The following HOOK2 variants were observed in gnomAD, a reference collection of about 807,000 sequenced individuals.
The protein encoded by HOOK2 is protein Hook homolog 2.
In HOOK2, 108 loss-of-function variants were observed where a neutral mutation model predicts 111.9. The ratio of observed to expected loss-of-function variants is 0.96; its 90% CI spans 0.83 to 1.13. The LOEUF is 1.13. Ranked by LOEUF, HOOK2 falls within the 50% of genes most tolerant of loss-of-function variation. The pLI, the probability that HOOK2 is intolerant of heterozygous loss-of-function variation, is 0.00. For missense variants in HOOK2, 978 were observed against 951.3 expected, an observed-to-expected ratio of 1.03 and a Z score of -0.37; for synonymous variants, 405 against 394.3, an observed-to-expected ratio of 1.03 and a Z score of -0.32.
chr19:12,791,813 A>T lies in HOOK2; in HGVS notation n.42-17588T>A. On this transcript the variant is annotated intron_variant and non_coding_transcript_variant, in intron 3 of 3. Transcript: ENST00000589765. The surrounding 1 kb of genome is among the most constrained non-coding windows in gnomAD (Gnocchi z 7.0). ...AACAGCCCTTCTACCACGACGACTC[A>T]TACACAGCTACGGGATACGGCCGGG... The T allele has an allele frequency of 1.2e-6, 2 of 1,613,568 alleles. No homozygotes were observed. The highest frequency in any genetic ancestry group is 8.5e-7 in the Non-Finnish European group (1 of 1,179,814).
upstream of HOOK2, among the ~76,000 whole-genome samples, chr19:12,780,662 T>A (rs1968591682): frequency 1.1e-5 from 1 of 94,660 alleles, no homozygotes; most frequent in South Asian, 4.4e-4. Context: ...GCCTTTTTTT[T>A]TTTTTTTTTT....
chr19:12,783,014 T>A (rs976932354), upstream of HOOK2, among the ~76,000 whole-genome samples: 30 of 152,048 alleles, frequency 2.0e-4, no homozygotes, highest in African/African-American at 7.0e-4. Context: ...CCGCTCGTGA[T>A]CCCGGGAGAA....
Position 12,787,852 on chromosome 19 carries a change from C to T in HOOK2, n.42-13627G>A, listed in dbSNP as rs189352693. ...CGGGCTGATCACAAGGTCAGGAGTT[C>T]GAGACCAGCCTGACCAATATGGTGA... is the stretch of plus-strand genomic sequence containing the variant. On this transcript the variant is annotated intron_variant and non_coding_transcript_variant, in intron 3 of 3. Transcript: ENST00000589765. 1.5e-3 allele frequency among the ~76,000 whole-genome samples: 226 copies of T among 152,022 alleles called. 1 individual carries two copies. The highest frequency in any genetic ancestry group is 4.7e-3 in the African/African-American group (196 of 41,450).
intron 17 of HOOK2, 52 bp downstream of exon 17, chr19:12,765,777 T>A: frequency 6.2e-7 from 1 of 1,614,068 alleles, no homozygotes. Context: ...GCCCTAATTC[T>A]TCCTTCCCAG....
In HOOK2 at chr19:12,763,401, C is replaced by T. The variant is rs1336159790; in HGVS notation, c.2041G>A (p.Glu681Lys). Residue 681 changes from glutamate (E) to lysine (K), a missense_variant, in exon 23 of 23, where the codon GAG (glutamate) becomes AAG (lysine). Physicochemically the swap from Glu to Lys is moderately conservative, Grantham distance 56. This residue lies in a region of HOOK2 where 277 missense variants were observed against 265.8 expected (regional missense o/e 1.04). Coordinates refer to ENST00000397668, the MANE Select transcript of HOOK2 (RefSeq NM_013312.3). The part of the protein sequence containing the change: ...GMALQQRAGE[E>K]RAPAHAQSFL... ...GACTGGGCATGGGCAGGCGCCCGCTCCTCCCCAGCTCGCTGCTGCAAGGCC... is the reference window on the plus strand; with the variant it reads ...GACTGGGCATGGGCAGGCGCCCGCTTCTCCCCAGCTCGCTGCTGCAAGGCC... The T allele has an allele frequency of 1.9e-6, 3 of 1,614,030 alleles. No homozygotes were observed. The highest frequency in any genetic ancestry group is 1.3e-5 in the African/African-American group (1 of 75,062).
upstream of HOOK2, among the ~76,000 whole-genome samples, chr19:12,776,099 G>T (rs1231484304): frequency 6.7e-6 from 1 of 149,758 alleles, no homozygotes; most frequent in Middle Eastern, 3.4e-3. Context: ...GGATGGTCTC[G>T]ATCTCCTGAC....
chr19:12,770,831 G>A, intron 10 of HOOK2, 101 bp downstream of exon 10: 2 of 1,421,274 alleles, frequency 1.4e-6, no homozygotes, highest in Non-Finnish European at 9.6e-7. Flanking sequence ...GGTTCACTGG[G>A]CACATGAAAA....
intron 14 of HOOK2, 111 bp downstream of exon 14, chr19:12,767,284 A>G: frequency 2.3e-6 from 2 of 857,386 alleles, no homozygotes; most frequent in East Asian, 2.6e-5. Flanking sequence ...TGGCACCTGG[A>G]GCTGAGACCA....
Position 12,772,211 on chromosome 19 carries a change from C to T in HOOK2, c.498G>A (p.Thr166=), listed in dbSNP as rs756260757. 13 of 1,613,718 alleles carry T rather than the reference C, an allele frequency of 8.1e-6. No homozygotes were observed. The highest frequency in any genetic ancestry group is 5.5e-5 in the South Asian group (5 of 91,088). ...KDTPDSLSPE[T]YGNFDSQSRR... is the part of the protein sequence containing the mutation. Reference sequence around the variant, plus strand: ...TTACCTGGCTGTCAAAGTTGCCATACGTCTCTGGTGACAGGGAGTCAGGAG... The same window carrying T: ...TTACCTGGCTGTCAAAGTTGCCATATGTCTCTGGTGACAGGGAGTCAGGAG... Residue 166 remains threonine (T), a synonymous_variant, in exon 7 of 23, where the codon ACG becomes ACA. Transcript: ENST00000397668.
At chr19:12,792,125 T>C (rs1490432800) in intron 3 of HOOK2, 1 of 1,598,766 alleles carries the variant, frequency 6.3e-7, no homozygotes. Context: ...GTGGCAGCGG[T>C]GGAGGTGCAG....
intron 3 of HOOK2, 58 bp from the exon 4 acceptor site, chr19:12,773,102 G>A (rs577633522): frequency 1.3e-6 from 2 of 1,516,012 alleles, no homozygotes; most frequent in East Asian, 4.5e-5. Context: ...TGAATCTGTA[G>A]GTCCCATCCT....
chr19:12,778,288 G>A, upstream of HOOK2: 1 of 152,366 alleles, frequency 6.6e-6, no homozygotes, highest in Non-Finnish European at 1.5e-5. Context: ...TCGCACGAAC[G>A]CAGTCACTCA....
chr19:12,789,835 G>A (rs1408553777), intron 3 of HOOK2, among the ~76,000 whole-genome samples: 1 of 151,842 alleles, frequency 6.6e-6, no homozygotes, highest in Non-Finnish European at 1.5e-5. Context: ...GTCGGGGCTG[G>A]TCGGGACTAG....
rs75128530 is a variant in HOOK2 at position 12,763,220 on chromosome 19, G to A, written c.*62C>T. ...ACCTGGCTGAAGCCCAGTGCTGGGC[G>A]CCATGTGAGCTGGAGGAAGCCAGGG... On this transcript the variant is annotated 3_prime_UTR_variant, in exon 23 of 23. Coordinates refer to ENST00000397668, the MANE Select transcript of HOOK2 (RefSeq NM_013312.3). 4,912 of 1,570,224 alleles carry A rather than the reference G, an allele frequency of 3.1e-3. 120 individuals carry two copies. In the African/African-American group the frequency reaches 0.057, roughly 18 times the overall value.
intron 3 of HOOK2, 84 bp from the exon 4 acceptor site, chr19:12,773,128 C>T (rs191856117): frequency 2.3e-6 from 3 of 1,313,822 alleles, no homozygotes; most frequent in East Asian, 2.3e-5. Flanking sequence ...CACCTCACTT[C>T]TCCTTCCCTG....
At position 12,790,715 on chromosome 19, in the gene HOOK2, T is replaced by C. The variant is rs1423125759; in HGVS notation, n.42-16490A>G. Among the ~76,000 whole-genome samples the C allele has an allele frequency of 2.0e-5, 3 of 152,086 alleles. No individual in the cohort carries two copies. Among genetic ancestry groups the C allele is most frequent in the Non-Finnish European group, 4.4e-5 (3 of 68,014 alleles). On this transcript the variant is annotated intron_variant and non_coding_transcript_variant, in intron 3 of 3. Coordinates refer to the HOOK2 transcript ENST00000589765. This position sits in a 1 kb window ranked among gnomAD's most constrained non-coding sequence, Gnocchi z 7.2. The stretch of plus-strand genomic sequence containing the variant: ...GTCCCCAATTTCTGGCAGACATGTC[T>C]CCATCTTCTACCTGGCATATTTTAC...
At chr19:12,772,077 G>A (rs1252703419) in intron 7 of HOOK2, 113 bp downstream of exon 7, 6 of 818,844 alleles carry the variant, frequency 7.3e-6, no homozygotes, top group South Asian at 3.0e-5. Flanking sequence ...GTGGGGTCTG[G>A]ACCTTTAACA....
Position 12,763,770 on chromosome 19 carries a change from C to T in HOOK2, c.1836G>A (p.Gln612=). 6.2e-7 allele frequency: 1 copy of T among 1,613,948 alleles called. No homozygotes were observed. Among genetic ancestry groups the T allele is most frequent in the Non-Finnish European group, 8.5e-7 (1 of 1,179,862 alleles). Residue 612 remains glutamine (Q), a synonymous_variant, in exon 21 of 23, where the codon CAG becomes CAA. Coordinates refer to ENST00000397668, the MANE Select transcript of HOOK2 (RefSeq NM_013312.3). ...RYVDKARMVM[Q]TMEPKQRPAA... ...CTGGCCGCTGCTTGGGTTCCATGGT[C>T]TGCATGACCTACAGGTTGAGGAAGT... is the stretch of plus-strand genomic sequence containing the variant.
At position 12,770,436 on chromosome 19, in the gene HOOK2, A is replaced by G. The variant is rs60488314; in HGVS notation, c.903-354T>C. Among the ~76,000 whole-genome samples the G allele has an allele frequency of 3.6e-3, 542 of 151,978 alleles. 2 individuals carry two copies. The highest frequency in any genetic ancestry group is 0.012 in the African/African-American group (492 of 41,410). On this transcript the variant is annotated intron_variant, in intron 10 of 22. Transcript: ENST00000397668. ...GGGACAAGAGGACTGCGGGGTCCTTAGAAGTGCAATTGGGGGGTGCACTAG... is the reference window on the plus strand; with the variant it reads ...GGGACAAGAGGACTGCGGGGTCCTTGGAAGTGCAATTGGGGGGTGCACTAG...
Sources: gnomAD v4.1 joint callset for allele counts (sites outside exome capture counted in the v4.1 genomes callset) on GRCh38, gnomAD v4.1.1 for gene constraint, gnomAD v4.1.1 regional missense constraint, Gnocchi (gnomAD v3.1) non-coding constraint, MANE v1.5 for transcripts, NCBI Gene and HGNC (gene_info 2026-07-23, HGNC 2026-07-21) for gene names.